The following SRPK2 variants were observed in gnomAD, a reference collection of about 807,000 sequenced individuals.
The protein encoded by SRPK2 is SRSF protein kinase 2.
A neutral mutation model predicts 90.8 loss-of-function variants in SRPK2; 21 were observed. The observed-to-expected ratio is 0.23, with a 90% CI of 0.16 to 0.33. SRPK2 has a LOEUF of 0.33. Ranked by LOEUF, SRPK2 falls within the 10% of genes least tolerant of loss-of-function variation. The pLI is 1.00. For missense variants in SRPK2, 620 were observed against 869.0 expected (o/e 0.71, Z 3.60); for synonymous variants, 288 against 311.1 (o/e 0.93, Z 0.78).
intron 2 of SRPK2, among the ~76,000 whole-genome samples, chr7:105,370,187 C>CT (rs1444024158): frequency 6.6e-6 from 1 of 152,154 alleles, no homozygotes; most frequent in Non-Finnish European, 1.5e-5. Context: ...CCAGGAATTT[C>CT]TTTTAAGTAA....
At chr7:105,118,092 G>T in intron 15 of SRPK2, 70 bp from the exon 16 acceptor site, 1 of 1,554,516 alleles carries the variant, frequency 6.4e-7, no homozygotes, top group South Asian at 1.2e-5. Flanking sequence ...GGTCCAGTCA[G>T]GTTCTTTTCA....
intron 2 of SRPK2, among the ~76,000 whole-genome samples, chr7:105,352,613 C>CT (rs1817324699): frequency 2.0e-5 from 3 of 152,214 alleles, no homozygotes; most frequent in Admixed American, 1.3e-4. Context: ...GCTAATACAA[C>CT]TAGGGGCTGG....
In SRPK2 at chr7:105,119,320, G is replaced by C. The variant is rs375445502; in HGVS notation, c.1916-1298C>G. On this transcript the variant is annotated intron_variant, in intron 15 of 15. Transcript: ENST00000393651. ...CATTTATTCGAGTCAACTTGGAAAAGCCCTCCCGTTTAAAAACACAATGAA... is the reference window on the plus strand; with the variant it reads ...CATTTATTCGAGTCAACTTGGAAAACCCCTCCCGTTTAAAAACACAATGAA... Among the ~76,000 whole-genome samples, 140 of 152,202 alleles carry C rather than the reference G, an allele frequency of 9.2e-4. 1 individual carries two copies. The highest frequency in any genetic ancestry group is 3.3e-3 in the African/African-American group (136 of 41,522).
At chr7:105,316,965 C>T (rs1295819841) in intron 2 of SRPK2, among the ~76,000 whole-genome samples, 3 of 152,296 alleles carry the variant, frequency 2.0e-5, no homozygotes, top group East Asian at 3.9e-4. Context: ...AACATCTGTT[C>T]CCTCTCCCAC....
intron 2 of SRPK2, among the ~76,000 whole-genome samples, chr7:105,258,941 A>G (rs1047581786): frequency 3.9e-5 from 6 of 152,168 alleles, no homozygotes; most frequent in South Asian, 2.1e-4. Context: ...TACTGAATGG[A>G]CAAAAACTGG....
At chr7:105,397,002 T>A (rs1822350838) in intron 1 of SRPK2, among the ~76,000 whole-genome samples, 1 of 152,102 alleles carries the variant, frequency 6.6e-6, no homozygotes, top group Non-Finnish European at 1.5e-5. Flanking sequence ...TAGTGGATGC[T>A]TTTATTATTG....
At chr7:105,287,808 A>G (rs2130945506) in intron 2 of SRPK2, among the ~76,000 whole-genome samples, 1 of 152,304 alleles carries the variant, frequency 6.6e-6, no homozygotes, top group African/African-American at 2.4e-5. Flanking sequence ...AAGAGGAAAC[A>G]TAGGCAGGAA....
At chr7:105,165,277 T>C (rs1240249256) in intron 6 of SRPK2, among the ~76,000 whole-genome samples, 1 of 152,156 alleles carries the variant, frequency 6.6e-6, no homozygotes, top group Non-Finnish European at 1.5e-5. Context: ...CATAACTTAG[T>C]AGCATGGTCA....
At chr7:105,390,270 T>G (rs557793382), upstream of SRPK2, among the ~76,000 whole-genome samples, 1 of 152,292 alleles carries the variant, frequency 6.6e-6, no homozygotes, top group African/African-American at 2.4e-5. Flanking sequence ...CCATATATAT[T>G]CAATTTTGCA....
At chr7:105,146,399 A>AT in intron 8 of SRPK2, 94 bp downstream of exon 8, 1 of 1,311,130 alleles carries the variant, frequency 7.6e-7, no homozygotes, top group African/African-American at 1.5e-5. Context: ...AATCTTCCTT[A>AT]TGTGTAACGT....
At chr7:105,158,617 C>A (rs545778914) in intron 7 of SRPK2, among the ~76,000 whole-genome samples, 60 of 152,288 alleles carry the variant, frequency 3.9e-4, no homozygotes, top group African/African-American at 1.2e-3. Flanking sequence ...AAGGCAACAG[C>A]AAGCCCCTCT....
chr7:105,119,225 T>A (rs558468585), intron 15 of SRPK2, among the ~76,000 whole-genome samples: 1 of 152,012 alleles, frequency 6.6e-6, no homozygotes, highest in African/African-American at 2.4e-5. Flanking sequence ...ATTTTTTTCA[T>A]GAGATGCATC....
At chr7:105,132,661 C>A in intron 13 of SRPK2, 130 bp downstream of exon 13, 1 of 701,316 alleles carries the variant, frequency 1.4e-6, no homozygotes, top group Non-Finnish European at 2.3e-6. Context: ...TTCCCCTCAC[C>A]CAGCCCACGG....
intron 2 of SRPK2, among the ~76,000 whole-genome samples, chr7:105,283,080 C>G (rs1022987328): frequency 6.6e-6 from 1 of 152,140 alleles, no homozygotes; most frequent in Non-Finnish European, 1.5e-5. Context: ...AAATGCAAAT[C>G]AAAGTAACAG....
Position 105,117,925 on chromosome 7 carries a change from T to C in SRPK2, c.2013A>G (p.Thr671=). The C allele has an allele frequency of 6.2e-7, 1 of 1,614,188 alleles. No individual in the cohort carries two copies. The highest frequency in any genetic ancestry group is 8.5e-7 in the Non-Finnish European group (1 of 1,180,032). ...GWPHEDAAQF[T]DFLIPMLEMV... ...TTTCTAACATCGGGATCAGGAAATC[T>C]GTAAACTGTGCAGCATCTTCATGGG... Residue 671 remains threonine (T), a synonymous_variant, in exon 16 of 16, where the codon ACA becomes ACG. Coordinates refer to ENST00000393651, the MANE Select transcript of SRPK2 (RefSeq NM_182692.3).
intron 2 of SRPK2, among the ~76,000 whole-genome samples, chr7:105,356,087 T>C (rs946888271): frequency 2.0e-5 from 3 of 152,144 alleles, no homozygotes; most frequent in African/African-American, 4.8e-5. Context: ...ACCATCAGGA[T>C]TGAGTTTCTA....
chr7:105,361,259 A>C (rs527503247), intron 2 of SRPK2, among the ~76,000 whole-genome samples: 15 of 152,298 alleles, frequency 9.8e-5, no homozygotes, highest in African/African-American at 3.6e-4. Flanking sequence ...TAGGAATCCA[A>C]CTTACAAGGG....
intron 3 of SRPK2, among the ~76,000 whole-genome samples, chr7:105,170,391 C>T (rs1177677212): frequency 1.3e-5 from 2 of 152,002 alleles, no homozygotes; most frequent in African/African-American, 2.4e-5. Flanking sequence ...TGGAAACATT[C>T]CTCACAAATG....
intron 2 of SRPK2, among the ~76,000 whole-genome samples, chr7:105,329,685 C>T (rs1328495565): frequency 6.6e-6 from 1 of 151,972 alleles, no homozygotes; most frequent in Non-Finnish European, 1.5e-5. Flanking sequence ...CCCAATTCAG[C>T]ATTTTTCCCC....
Sources: gnomAD v4.1 joint callset for allele counts (sites outside exome capture counted in the v4.1 genomes callset) on GRCh38, gnomAD v4.1.1 for gene constraint, MANE v1.5 for transcripts, NCBI Gene and HGNC (gene_info 2026-07-23, HGNC 2026-07-21) for gene names.